The following ACER3 variants were observed in gnomAD, a reference collection of about 807,000 sequenced individuals.
ACER3 encodes the protein alkCDase 3.
ACER3 carries 16 observed loss-of-function variants against 48.9 expected under a neutral mutation model. The ratio of observed to expected loss-of-function variants is 0.33; its 90% CI spans 0.22 to 0.50. The LOEUF (loss-of-function observed/expected upper bound fraction) is 0.50, where lower values mean the gene tolerates loss of function less well. Ranked by LOEUF, ACER3 falls within the 20% of genes least tolerant of loss-of-function variation. The pLI is 0.98. For missense variants in ACER3, 227 were observed against 326.0 expected (o/e 0.70, Z 2.34); for synonymous variants, 109 against 107.8 (o/e 1.01, Z -0.07).
At chr11:77,014,606 A>T (rs1044428484) in intron 7 of ACER3, among the ~76,000 whole-genome samples, 1 of 152,236 alleles carries the variant, frequency 6.6e-6, no homozygotes, top group Non-Finnish European at 1.5e-5. Flanking sequence ...GGACCAAAAA[A>T]GTTATCAGGT....
intron 2 of ACER3, among the ~76,000 whole-genome samples, chr11:76,932,967 A>C (rs1183077869): frequency 6.6e-6 from 1 of 152,092 alleles, no homozygotes; most frequent in Non-Finnish European, 1.5e-5. Context: ...AAAGGCCTTG[A>C]AAGTGTGTCA....
intron 2 of ACER3, among the ~76,000 whole-genome samples, chr11:76,932,443 A>C (rs1947031853): frequency 6.6e-6 from 1 of 152,230 alleles, no homozygotes; most frequent in South Asian, 2.1e-4. Context: ...TATGCATTTT[A>C]AGAAAGTTAC....
At chr11:76,981,995 A>G (rs1219608683) in intron 4 of ACER3, among the ~76,000 whole-genome samples, 1 of 152,180 alleles carries the variant, frequency 6.6e-6, no homozygotes, top group Non-Finnish European at 1.5e-5. Flanking sequence ...TTATTGTTCT[A>G]CTGGCAATAT....
At chr11:76,939,238 C>G (rs779485978) in intron 2 of ACER3, among the ~76,000 whole-genome samples, 1 of 152,148 alleles carries the variant, frequency 6.6e-6, no homozygotes, top group Admixed American at 6.5e-5. Context: ...ACTATTTGGT[C>G]AGAGTGTTTG....
intron 1 of ACER3, chr11:76,868,346 T>C: frequency 8.4e-7 from 1 of 1,192,808 alleles, no homozygotes; most frequent in East Asian, 5.8e-5. Context: ...AAAGGACAAA[T>C]TGAGTGTACA....
intron 1 of ACER3, among the ~76,000 whole-genome samples, chr11:76,867,771 A>C (rs977480911): frequency 6.6e-6 from 1 of 152,218 alleles, no homozygotes; most frequent in East Asian, 1.9e-4. Context: ...TATGACTTTC[A>C]TGGATGGGAA....
intron 3 of ACER3, among the ~76,000 whole-genome samples, chr11:76,968,347 C>T (rs1351872668): frequency 2.0e-5 from 3 of 151,960 alleles, no homozygotes; most frequent in Non-Finnish European, 4.4e-5. Flanking sequence ...GAATCAATAT[C>T]GTGAAAATGG....
intron 1 of ACER3, among the ~76,000 whole-genome samples, chr11:76,891,852 A>G (rs1342464937): frequency 6.6e-6 from 1 of 152,216 alleles, no homozygotes; most frequent in Non-Finnish European, 1.5e-5. Flanking sequence ...AATAGGAAAA[A>G]GCACATCGAG....
intron 2 of ACER3, among the ~76,000 whole-genome samples, chr11:76,936,750 C>T (rs1947198123): frequency 6.7e-6 from 1 of 149,854 alleles, no homozygotes; most frequent in Non-Finnish European, 1.5e-5. Flanking sequence ...CAGAGTCTCG[C>T]TCTGTCGCCC....
chr11:76,924,475 A>T (rs1477210758), intron 1 of ACER3, among the ~76,000 whole-genome samples: 1 of 151,842 alleles, frequency 6.6e-6, no homozygotes, highest in East Asian at 1.9e-4. Flanking sequence ...AAGTGCTAAG[A>T]TTACAAGTGT....
At chr11:76,884,242 T>A (rs964560300) in intron 1 of ACER3, among the ~76,000 whole-genome samples, 7 of 135,424 alleles carry the variant, frequency 5.2e-5, no homozygotes, top group African/African-American at 1.6e-4. Flanking sequence ...TATGCTTGGA[T>A]TTTTTTTTTC....
At chr11:76,959,222 G>A (rs946606378) in intron 3 of ACER3, 191 bp downstream of exon 3, 11 of 1,464,046 alleles carry the variant, frequency 7.5e-6, no homozygotes, top group Admixed American at 2.3e-5. Context: ...AGGAAAACAA[G>A]TACAAATAGT....
chr11:76,966,235 C>G (rs1423902095), intron 3 of ACER3, among the ~76,000 whole-genome samples: 4 of 151,686 alleles, frequency 2.6e-5, no homozygotes, highest in African/African-American at 9.7e-5. Context: ...ATGGTAAAGG[C>G]ATCAATTCAA....
At chr11:76,912,993 GA>G (rs935702519) in intron 1 of ACER3, among the ~76,000 whole-genome samples, 1 of 152,144 alleles carries the variant, frequency 6.6e-6, no homozygotes, top group Non-Finnish European at 1.5e-5. Flanking sequence ...GGATAGGAAA[GA>G]AAGGAAAATT....
At chr11:76,958,929 C>A in intron 2 of ACER3, 50 bp from the exon 3 acceptor site, 2 of 1,580,752 alleles carry the variant, frequency 1.3e-6, no homozygotes, top group Non-Finnish European at 1.7e-6. Flanking sequence ...AGGTCACTGT[C>A]CACGCACAAA....
chr11:76,974,516 T>A lies in ACER3; in HGVS notation c.268-1773T>A, dbSNP rs149439258. On this transcript the variant is annotated intron_variant, in intron 3 of 10. Coordinates refer to ENST00000532485, the MANE Select transcript of ACER3 (RefSeq NM_018367.7). ...GAGGTATCAGGAAGTAGAAGTCAGA[T>A]ATGAACTGCTCCACCACTTAAAAGT... 2.5e-3 allele frequency among the ~76,000 whole-genome samples: 382 copies of A among 152,336 alleles called. 1 individual carries two copies. The highest frequency in any genetic ancestry group is 8.8e-3 in the African/African-American group (365 of 41,590).
At chr11:76,974,870 C>T (rs1948401863) in intron 3 of ACER3, among the ~76,000 whole-genome samples, 1 of 152,156 alleles carries the variant, frequency 6.6e-6, no homozygotes, top group Admixed American at 6.5e-5. Context: ...CAATAATTAA[C>T]ATTGATTTAT....
At chr11:76,943,410 A>C (rs1251077805) in intron 2 of ACER3, among the ~76,000 whole-genome samples, 1 of 151,878 alleles carries the variant, frequency 6.6e-6, no homozygotes, top group Non-Finnish European at 1.5e-5. Flanking sequence ...TACTTCCTTC[A>C]TTGGACTAGC....
chr11:76,889,391 G>T (rs1945751728), intron 1 of ACER3, among the ~76,000 whole-genome samples: 1 of 152,048 alleles, frequency 6.6e-6, no homozygotes. Context: ...TGTAATGAGA[G>T]AATTTTAGGG....
Sources: gnomAD v4.1 joint callset for allele counts (sites outside exome capture counted in the v4.1 genomes callset) on GRCh38, gnomAD v4.1.1 for gene constraint, MANE v1.5 for transcripts, NCBI Gene and HGNC (gene_info 2026-07-23, HGNC 2026-07-21) for gene names.